The following PCDHA5 variants were observed in gnomAD, a reference collection of about 807,000 sequenced individuals.
The protein encoded by PCDHA5 is protocadherin alpha 5.
A neutral mutation model predicts 61.6 loss-of-function variants in PCDHA5; 43 were observed. The observed-to-expected ratio is 0.70, with a 90% CI of 0.55 to 0.90. The LOEUF (loss-of-function observed/expected upper bound fraction) is 0.90. PCDHA5 is among the 40% of genes least tolerant of loss of function. The pLI, the probability that PCDHA5 is intolerant of heterozygous loss-of-function variation, is 0.00. For missense variants in PCDHA5, 1,298 were observed against 1,222.7 expected, an observed-to-expected ratio of 1.06 and a Z score of -0.92; for synonymous variants, 627 against 543.9, an observed-to-expected ratio of 1.15 and a Z score of -2.13.
At chr5:140,932,039 CAT>C (rs2087970987) in intron 1 of PCDHA5, among the ~76,000 whole-genome samples, 1 of 151,816 alleles carries the variant, frequency 6.6e-6, no homozygotes, top group South Asian at 2.1e-4. Context: ...TATATATTAA[CAT>C]AGCCTGTAAT....
At chr5:140,863,208 C>A in intron 1 of PCDHA5, 2 of 990,672 alleles carry the variant, frequency 2.0e-6, no homozygotes, top group Non-Finnish European at 3.1e-6. Flanking sequence ...TGGCGGAGAG[C>A]AGCCAAGCGA....
chr5:140,937,219 T>A (rs555881657), intron 1 of PCDHA5, among the ~76,000 whole-genome samples: 4 of 151,838 alleles, frequency 2.6e-5, no homozygotes, highest in East Asian at 3.9e-4. Context: ...TTGTATTTTT[T>A]GTAGAGACGG....
intron 1 of PCDHA5, among the ~76,000 whole-genome samples, chr5:140,920,841 T>TAAA (rs781921146): frequency 2.7e-5 from 3 of 109,230 alleles, no homozygotes; most frequent in East Asian, 2.6e-4. Context: ...AGACCAAATC[T>TAAA]AAAAAAAAAA....
chr5:140,871,413 C>T (rs2053063966), intron 1 of PCDHA5: 5 of 1,613,884 alleles, frequency 3.1e-6, no homozygotes, highest in Admixed American at 1.7e-5. Context: ...ACCTCATGGC[C>T]TTCAGCCCCA....
chr5:140,884,092 G>A (rs1443036011), intron 1 of PCDHA5: 17 of 1,613,438 alleles, frequency 1.1e-5, no homozygotes, highest in Non-Finnish European at 1.4e-5. Flanking sequence ...CGTGGCTTTC[G>A]TATGAATTGC....
chr5:140,939,851 A>G (rs1313215259), intron 1 of PCDHA5, among the ~76,000 whole-genome samples: 2 of 152,206 alleles, frequency 1.3e-5, no homozygotes, highest in African/African-American at 4.8e-5. Context: ...TGTGTTCTGT[A>G]TATGTCCATT....
intron 2 of PCDHA5, among the ~76,000 whole-genome samples, chr5:140,981,925 T>C (rs2096957903): frequency 1.3e-5 from 2 of 152,160 alleles, no homozygotes; most frequent in South Asian, 2.1e-4. Flanking sequence ...CAAGTTTCTC[T>C]AGTCTCAGGA....
At chr5:140,843,011 G>A (rs2150350118) in intron 1 of PCDHA5, 1 of 1,595,080 alleles carries the variant, frequency 6.3e-7, no homozygotes, top group Admixed American at 1.7e-5. Flanking sequence ...CAACGCGCCG[G>A]CACTGCTGGA....
chr5:140,871,673 C>T (rs980419228), intron 1 of PCDHA5: 1 of 1,142,814 alleles, frequency 8.8e-7, no homozygotes, highest in East Asian at 2.6e-5. Flanking sequence ...GTCTTTTAAT[C>T]ATATGAATAA....
intron 1 of PCDHA5, among the ~76,000 whole-genome samples, chr5:140,892,084 C>G (rs1233800772): frequency 6.6e-6 from 1 of 151,992 alleles, no homozygotes; most frequent in African/African-American, 2.4e-5. Flanking sequence ...TTCTAGTTTC[C>G]TCTCGAAACT....
chr5:140,868,762 A>G (rs2050634437), intron 1 of PCDHA5: 1 of 233,926 alleles, frequency 4.3e-6, no homozygotes, highest in African/African-American at 2.3e-5. Flanking sequence ...ATATATATTT[A>G]GTTTCAATAT....
intron 1 of PCDHA5, chr5:140,869,391 C>T: frequency 6.2e-7 from 1 of 1,614,138 alleles, no homozygotes; most frequent in Non-Finnish European, 8.5e-7. Flanking sequence ...AGGAGCTGTG[C>T]GGGCAGAGCG....
chr5:140,830,290 G>C lies in PCDHA5; in HGVS notation c.2352+6163G>C, dbSNP rs2150184535. On this transcript the variant is annotated intron_variant, in intron 1 of 3. Transcript: ENST00000529859. Reference sequence around the variant, plus strand: ...CGCCACCCACCGAGGGCGCGTGCACGGCGGACAAGCCCACGCTGGTGTGCT... The same window carrying C: ...CGCCACCCACCGAGGGCGCGTGCACCGCGGACAAGCCCACGCTGGTGTGCT... 10 of 1,613,848 alleles carry C rather than the reference G, an allele frequency of 6.2e-6. No homozygotes were observed. In the African/African-American group the frequency reaches 9.3e-5, roughly 15 times the overall value.
intron 1 of PCDHA5, among the ~76,000 whole-genome samples, chr5:140,847,133 A>G (rs984510498): frequency 6.7e-6 from 1 of 149,740 alleles, no homozygotes; most frequent in Non-Finnish European, 1.5e-5. Flanking sequence ...CAGGAAAACC[A>G]ATGTAAGAAG....
chr5:140,859,547 A>G (rs1185528654), intron 1 of PCDHA5: 1 of 181,734 alleles, frequency 5.5e-6, no homozygotes, highest in Non-Finnish European at 1.1e-5. Flanking sequence ...TTCTAGTGTT[A>G]CCAAACACCA....
chr5:140,970,948 C>A (rs1339410112), intron 1 of PCDHA5, among the ~76,000 whole-genome samples: 2 of 152,114 alleles, frequency 1.3e-5, no homozygotes, highest in East Asian at 3.8e-4. Flanking sequence ...TGCTGAGAAA[C>A]CATGGGAGGC....
At chr5:140,843,177 G>A (rs1778635433) in intron 1 of PCDHA5, 1 of 1,596,058 alleles carries the variant, frequency 6.3e-7, no homozygotes, top group Non-Finnish European at 8.6e-7. Context: ...AGCAGCCCTC[G>A]CATCCCGTTC....
rs546596358 is a variant in PCDHA5, at chr5:140,863,481, A to G, written c.2352+39354A>G. The G allele has an allele frequency of 1.2e-4, 54 of 468,998 alleles. No homozygotes were observed. The Middle Eastern group carries it at 1.4e-3, about 12-fold the overall frequency. The allele number at this position is 468,998 out of a possible 1,614,324, so 29.1% of individuals were successfully genotyped here. Reference sequence around the variant, plus strand: ...ATTTTACTCTGGAGAGTCGCCTCCCAAGGTCAACATTACGGCTTTTAGTCC... The same window carrying G: ...ATTTTACTCTGGAGAGTCGCCTCCCGAGGTCAACATTACGGCTTTTAGTCC... On this transcript the variant is annotated intron_variant, in intron 1 of 3. Coordinates refer to ENST00000529859, the MANE Select transcript of PCDHA5 (RefSeq NM_018908.3).
chr5:140,884,346 T>G (rs1487079029), intron 1 of PCDHA5: 1 of 1,613,896 alleles, frequency 6.2e-7, no homozygotes, highest in Non-Finnish European at 8.5e-7. Flanking sequence ...GAAGCGGCGC[T>G]GGTGGATGTC....
Sources: allele counts gnomAD v4.1 joint callset (sites outside exome capture counted in the v4.1 genomes callset), GRCh38; gene constraint gnomAD v4.1.1; transcripts MANE v1.5; gene names NCBI Gene and HGNC (gene_info 2026-07-23, HGNC 2026-07-21).